Variants in LTBP2 observed in about 807,000 individuals in gnomAD.
LTBP2 encodes the protein latent transforming growth factor beta binding protein 2.
A neutral mutation model predicts 210.6 loss-of-function variants in LTBP2; 103 were observed. The ratio of observed to expected loss-of-function variants is 0.49; its 90% CI spans 0.42 to 0.58. LTBP2 has a LOEUF of 0.58. Ranked by LOEUF, LTBP2 falls within the 20% of genes least tolerant of loss-of-function variation. The pLI, the probability that LTBP2 is intolerant of heterozygous loss-of-function variation, is 0.00. For synonymous variants in LTBP2, 1,007 were observed against 1,015.0 expected (o/e 0.99, Z 0.15); for missense variants, 2,313 against 2,494.5 (o/e 0.93, Z 1.55).
chr14:74,522,034 T>C lies in LTBP2; in HGVS notation c.2665A>G (p.Asn889Asp). ...TTGCAGGGGTCCCTCAGACACTCGT[T>C]GTCATCTGACCAGAAGAAGGCAGGG... is the stretch of plus-strand genomic sequence containing the variant. Reference protein sequence around the residue: ...HPSQAYCTDDNECLRDPCKGK... With the variant: ...HPSQAYCTDDDECLRDPCKGK... Residue 889 changes from asparagine to aspartate, a missense_variant, in exon 17 of 36, where the codon AAC becomes GAC. This residue lies in a region of LTBP2 where 1,867 missense variants were observed against 1,976.9 expected (regional missense o/e 0.94). Coordinates refer to ENST00000261978, the MANE Select transcript of LTBP2 (RefSeq NM_000428.3). The C allele has an allele frequency of 3.1e-6, 5 of 1,612,632 alleles. No homozygotes were observed. The highest frequency in any genetic ancestry group is 4.2e-6 in the Non-Finnish European group (5 of 1,179,298).
intron 1 of LTBP2, among the ~76,000 whole-genome samples, chr14:74,609,379 T>C (rs914653953): frequency 6.6e-6 from 1 of 152,174 alleles, no homozygotes; most frequent in African/African-American, 2.4e-5. Flanking sequence ...TTTGTTGTAG[T>C]GACAATTCGC....
At position 74,586,248 on chromosome 14, in the gene LTBP2, T is replaced by C; in HGVS notation, c.566-130A>G. ...TCGCTCAAGCAGGAAGCCACTCTCC[T>C]GGCCTCAGGGGGCTCCCTGACCCAT... is the stretch of plus-strand genomic sequence containing the variant. On this transcript the variant is annotated intron_variant, in intron 2 of 35. Transcript: ENST00000261978. The surrounding 1 kb of genome is among the most constrained non-coding windows in gnomAD (Gnocchi z 4.6). The C allele has an allele frequency of 2.8e-6, 3 of 1,062,268 alleles. No individual in the cohort carries two copies. The highest frequency in any genetic ancestry group is 4.1e-6 in the Non-Finnish European group (3 of 739,608). 65.8% of individuals were successfully genotyped at this position (1,062,268 alleles called of 1,614,324 possible). A position where few individuals can be genotyped will look rare whatever the true frequency, so the allele number is the denominator to read the frequency against.
intron 6 of LTBP2, 41 bp downstream of exon 6, chr14:74,552,146 T>TC (rs961311032): frequency 6.5e-7 from 1 of 1,547,360 alleles, no homozygotes; most frequent in Non-Finnish European, 8.7e-7. Context: ...CAACTGGCAC[T>TC]CCTCCCAGGG....
intron 1 of LTBP2, among the ~76,000 whole-genome samples, chr14:74,609,521 A>G (rs1866629): frequency 0.12 from 17,983 of 151,716 alleles, 2,140 homozygotes; most frequent in African/African-American, 0.3. Flanking sequence ...CTATGTCTCT[A>G]GGTTCCCCTA....
intron 18 of LTBP2, among the ~76,000 whole-genome samples, chr14:74,514,708 A>C (rs894647845): frequency 3.9e-5 from 6 of 152,160 alleles, no homozygotes; most frequent in African/African-American, 1.4e-4. Context: ...AATGCCGTTG[A>C]GACTGCTGGA....
intron 2 of LTBP2, among the ~76,000 whole-genome samples, chr14:74,588,307 C>G (rs903549320): frequency 1.3e-5 from 2 of 152,178 alleles, no homozygotes; most frequent in Admixed American, 6.5e-5. Context: ...CCACAAACTC[C>G]GCCTCCCAGA....
At position 74,509,038 on chromosome 14, in the gene LTBP2, T is replaced by C. The variant is rs751463427; in HGVS notation, c.3404-86A>G. The C allele has an allele frequency of 2.5e-6, 4 of 1,594,188 alleles. No homozygotes were observed. The East Asian group carries it at 8.9e-5, about 36-fold the overall frequency. ...AAGGGGGAAGTCTCCAGAGGACCTG[T>C]CACCTGCCTGCAGAGCTGGACCCAC... On this transcript the variant is annotated intron_variant, in intron 22 of 35. Coordinates refer to ENST00000261978, the MANE Select transcript of LTBP2 (RefSeq NM_000428.3).
At chr14:74,580,404 A>C (rs979625194) in intron 3 of LTBP2, among the ~76,000 whole-genome samples, 9 of 152,170 alleles carry the variant, frequency 5.9e-5, no homozygotes, top group African/African-American at 1.9e-4. Context: ...CCCTTATAAG[A>C]AGAAGACAAC....
intron 17 of LTBP2, among the ~76,000 whole-genome samples, chr14:74,521,184 C>T (rs1199625694): frequency 6.6e-6 from 1 of 152,188 alleles, no homozygotes; most frequent in Non-Finnish European, 1.5e-5. Context: ...CTTCCCTGGC[C>T]TCCCTGGGGG....
chr14:74,503,380 A>T lies in LTBP2; in HGVS notation c.4727T>A (p.Leu1576His). The T allele has an allele frequency of 1.2e-6, 2 of 1,612,684 alleles. No homozygotes were observed. Among genetic ancestry groups the T allele is most frequent in the Non-Finnish European group, 8.5e-7 (1 of 1,179,804 alleles). The change falls in exon 33 of 36, where the codon CTC becomes CAC. Residue 1576 changes from leucine to histidine, a missense_variant. Around this residue, in one of 3 missense-constraint regions of LTBP2, gnomAD observed 443 missense variants for 501.4 expected, o/e 0.88. Transcript: ENST00000261978. ...GTCCATGTGGATGTCGTGGTCAGGG[A>T]GGTCCTCTGGTGGCACAGGGCACGG... ...CMNSTSSTED[L>H]PDHDIHMDIC...
At chr14:74,514,759 T>C (rs750082172) in intron 18 of LTBP2, among the ~76,000 whole-genome samples, 5 of 152,126 alleles carry the variant, frequency 3.3e-5, no homozygotes, top group Admixed American at 3.3e-4. Context: ...ACCAGAGACT[T>C]TCAGTTTCAG....
intron 3 of LTBP2, among the ~76,000 whole-genome samples, chr14:74,556,824 T>C (rs1428448320): frequency 1.3e-5 from 2 of 152,248 alleles, no homozygotes; most frequent in African/African-American, 4.8e-5. Flanking sequence ...GGACTGTTTT[T>C]AAGTTTTAAA....
intron 25 of LTBP2, 71 bp from the exon 26 acceptor site, chr14:74,507,381 G>GC (rs2087005542): frequency 1.3e-6 from 2 of 1,599,286 alleles, no homozygotes; most frequent in Admixed American, 3.3e-5. Context: ...ACAGGGTCAT[G>GC]CCCCACAACC....
chr14:74,603,777 G>T, intron 1 of LTBP2, 72 bp from the exon 2 acceptor site: 2 of 1,292,098 alleles, frequency 1.5e-6, no homozygotes, highest in Non-Finnish European at 2.2e-6. Flanking sequence ...CCCTCCGACA[G>T]TCCCACCTTC....
At chr14:74,568,033 G>T (rs1047321014) in intron 3 of LTBP2, among the ~76,000 whole-genome samples, 6 of 152,194 alleles carry the variant, frequency 3.9e-5, no homozygotes, top group Non-Finnish European at 8.8e-5. Flanking sequence ...CACCCAGACT[G>T]GGGGGCAGGG....
chr14:74,529,338 T>C (rs2139719886), intron 10 of LTBP2, among the ~76,000 whole-genome samples: 3 of 152,360 alleles, frequency 2.0e-5, no homozygotes, highest in Middle Eastern at 3.4e-3. Flanking sequence ...TGTTGTGTGC[T>C]TGATGAGACT....
At chr14:74,610,935 CACG>C (rs2088596764) in intron 1 of LTBP2, among the ~76,000 whole-genome samples, 1 of 152,256 alleles carries the variant, frequency 6.6e-6, no homozygotes, top group African/African-American at 2.4e-5. Context: ...ACCCACGCCC[CACG>C]ACACTTGTCC....
At position 74,538,319 on chromosome 14, in the gene LTBP2, G is replaced by A. The variant is rs536456739; in HGVS notation, c.1790-2319C>T. Among the ~76,000 whole-genome samples the A allele has an allele frequency of 3.3e-5, 5 of 152,060 alleles. No individual in the cohort carries two copies. In the South Asian group the frequency reaches 8.3e-4, roughly 25 times the overall value. The stretch of plus-strand genomic sequence containing the variant: ...ATCATTTGGATCCTGGGGTACTTGG[G>A]GGTCACATCTGATAGGTCGTCACGA... On this transcript the variant is annotated intron_variant, in intron 8 of 35. Coordinates refer to ENST00000261978, the MANE Select transcript of LTBP2 (RefSeq NM_000428.3).
intron 3 of LTBP2, among the ~76,000 whole-genome samples, chr14:74,564,674 G>A (rs2139765272): frequency 6.6e-6 from 1 of 151,842 alleles, no homozygotes; most frequent in Non-Finnish European, 1.5e-5. Context: ...TGAGCCACCA[G>A]GCCCAGCCAA....
Sources: allele counts gnomAD v4.1 joint callset (sites outside exome capture counted in the v4.1 genomes callset), GRCh38; gene constraint gnomAD v4.1.1; regional missense constraint gnomAD v4.1.1; non-coding constraint Gnocchi (gnomAD v3.1); transcripts MANE v1.5; gene names NCBI Gene and HGNC (gene_info 2026-07-23, HGNC 2026-07-21).